The following PRSS36 variants were observed in gnomAD, a reference collection of about 807,000 sequenced individuals.
PRSS36 encodes serine protease 36.
PRSS36 carries 90 observed loss-of-function variants against 94.3 expected under a neutral mutation model. The ratio of observed to expected loss-of-function variants is 0.95; its 90% CI spans 0.80 to 1.14. PRSS36 has a LOEUF of 1.14. Among genes scored for constraint, PRSS36 ranks in the 50% most tolerant of loss-of-function variants. The pLI, the probability that PRSS36 is intolerant of heterozygous loss-of-function variation, is 0.00. For missense variants in PRSS36, 1,158 were observed against 1,135.0 expected (o/e 1.02, Z -0.29); for synonymous variants, 500 against 489.6 (o/e 1.02, Z -0.28).
In PRSS36 at chr16:31,139,295, G is replaced by A. The variant is rs915533715; in HGVS notation, c.2411C>T (p.Ser804Phe). ...AAIGPEEAWI[S>F]QTVGEANFLP... Reference sequence around the variant, plus strand: ...GAAGTTGGCCTCTCCCACTGTCTGGGAGATCCAGGCCTCTTCAGGACCAAT... The same window carrying A: ...GAAGTTGGCCTCTCCCACTGTCTGGAAGATCCAGGCCTCTTCAGGACCAAT... Residue 804 changes from serine to phenylalanine, a missense_variant, in exon 15 of 15, where the codon TCC (serine) becomes TTC (phenylalanine). Physicochemically the swap from Ser to Phe is radical, Grantham distance 155 (BLOSUM62 -2). Coordinates refer to ENST00000268281, the MANE Select transcript of PRSS36 (RefSeq NM_173502.5). 17 of 1,614,160 alleles carry A rather than the reference G, an allele frequency of 1.1e-5. No homozygotes were observed. The highest frequency in any genetic ancestry group is 1.4e-5 in the Non-Finnish European group (17 of 1,180,010).
In PRSS36 at chr16:31,149,199, C is replaced by G; in HGVS notation, c.146G>C (p.Gly49Ala). The change falls in exon 4 of 15, where the codon GGG (glycine) becomes GCG (alanine). Residue 49 changes from glycine (G) to alanine (A), a missense_variant. Coordinates refer to ENST00000268281, the MANE Select transcript of PRSS36 (RefSeq NM_173502.5). ...GRPEPSARIV[G>A]GSNAQPGTWP... ...GGTGCCCGGCTGCGCGTTTGAGCCC[C>G]CCACGATGCGGGCCGAGGGCTCAGG... 6.4e-7 allele frequency: 1 copy of G among 1,567,792 alleles called. No homozygotes were observed. Among genetic ancestry groups the G allele is most frequent in the Admixed American group, 1.9e-5 (1 of 52,412 alleles).
rs747155291 is a variant in PRSS36, at chr16:31,143,416, C to T, written c.1026G>A (p.Val342=). 2 of 1,612,862 alleles carry T rather than the reference C, an allele frequency of 1.2e-6. No homozygotes were observed. The highest frequency in any genetic ancestry group is 3.3e-5 in the Admixed American group (2 of 59,840). ...CCCCATGGCAGGGTCTGGATCCTGGCACCATCACCTGGGCCTCCCAGGGCC... is the reference window on the plus strand; with the variant it reads ...CCCCATGGCAGGGTCTGGATCCTGGTACCATCACCTGGGCCTCCCAGGGCC... The part of the protein sequence containing the change: ...GAWPWEAQVM[V]PGSRPCHGAL... The change falls in exon 8 of 15, where the codon GTG becomes GTA. Residue 342 remains valine (V), a synonymous_variant. Transcript: ENST00000268281.
rs920765621 is a variant in PRSS36, at chr16:31,140,717, C to G, written c.1942G>C (p.Gly648Arg). Residue 648 changes from glycine to arginine, a missense_variant, in exon 13 of 15, where the codon GGC becomes CGC. Transcript: ENST00000268281. ...GGGAGGGAGCTGGCCCCTGCCCGGC[C>G]CAGATACACTTCAATGTAAGGCACT... ...TTVPYIEVYL[G>R]RAGASSLPQG... The G allele has an allele frequency of 6.2e-6, 10 of 1,613,948 alleles. No individual in the cohort carries two copies. Among genetic ancestry groups the G allele is most frequent in the African/African-American group, 1.3e-5 (1 of 74,902 alleles).
chr16:31,145,621 A>G (rs1012460010), intron 6 of PRSS36, among the ~76,000 whole-genome samples, 168 bp downstream of exon 6: 1 of 152,176 alleles, frequency 6.6e-6, no homozygotes, highest in Non-Finnish European at 1.5e-5. Flanking sequence ...CCTGGACGAC[A>G]AAGTGAGGCT....
In PRSS36 at chr16:31,145,950, G is replaced by T. The variant is rs1454736250; in HGVS notation, c.559C>A (p.Leu187Met). 1.9e-6 allele frequency: 3 copies of T among 1,611,022 alleles called. No individual in the cohort carries two copies. In the Admixed American group the frequency reaches 5.0e-5, roughly 27 times the overall value. ...GWGDVQEADP[L>M]PLPWVLQEVE... Reference sequence around the variant, plus strand: ...TCCTGTAGCACCCAGGGGAGAGGCAGAGGATCTGGAGGCAGAACCAGAGAG... The same window carrying T: ...TCCTGTAGCACCCAGGGGAGAGGCATAGGATCTGGAGGCAGAACCAGAGAG... The change falls in exon 6 of 15, where the codon CTG becomes ATG. Residue 187 changes from leucine to methionine, a missense_variant. By Grantham distance (15) the Leu-to-Met change is conservative. Transcript: ENST00000268281.
Position 31,142,511 on chromosome 16 carries a change from G to A in PRSS36, c.1491C>T (p.Tyr497=), listed in dbSNP as rs1382312210. 6.7e-7 allele frequency: 1 copy of A among 1,500,108 alleles called. No individual in the cohort carries two copies. 92.9% of individuals were successfully genotyped at this position (1,500,108 alleles called of 1,614,324 possible). The stretch of plus-strand genomic sequence containing the variant: ...AGCTGCCCACCTCCTCCTTTTCCTG[G>A]TAGGCAGGGCAGAGCGCGTGCGGCG... ...GDPPHALCPA[Y]QEKEEVGSCW... is the part of the protein sequence containing the mutation. Residue 497 remains tyrosine, a synonymous_variant, in exon 10 of 15, where the codon TAC becomes TAT. Coordinates refer to ENST00000268281, the MANE Select transcript of PRSS36 (RefSeq NM_173502.5).
rs764075941 is a variant in PRSS36, at chr16:31,142,950, G to A, written c.1144C>T (p.Arg382Cys). ...CGCGGGCGCGAGGGCAGCAGCACGCGCCAGGCGTCGAGGTCGCGGGGTGGG... is the reference window on the plus strand; with the variant it reads ...CGCGGGCGCGAGGGCAGCAGCACGCACCAGGCGTCGAGGTCGCGGGGTGGG... ...DSPPRDLDAW[R>C]VLLPSRPRAE... is the part of the protein sequence containing the mutation. Residue 382 changes from arginine (R) to cysteine (C), a missense_variant, in exon 9 of 15, where the codon CGC becomes TGC. Coordinates refer to ENST00000268281, the MANE Select transcript of PRSS36 (RefSeq NM_173502.5). 110 of 1,454,270 alleles carry A rather than the reference G, an allele frequency of 7.6e-5. No individual in the cohort carries two copies. Among genetic ancestry groups the A allele is most frequent in the Non-Finnish European group, 9.6e-5 (107 of 1,109,862 alleles). The allele number at this position is 1,454,270 out of a possible 1,614,324, so 90.1% of individuals were successfully genotyped here. A position where few individuals can be genotyped will look rare whatever the true frequency, so the allele number is the denominator to read the frequency against.
chr16:31,139,043 C>A lies in PRSS36; in HGVS notation c.*95G>T. On this transcript the variant is annotated 3_prime_UTR_variant, in exon 15 of 15. Transcript: ENST00000268281. ...GCCGCTGCAATCTCGGTGGGTGGGG[C>A]CCTTGAGGTTCCAGCCGGCTGGGCC... 7.2e-7 allele frequency: 1 copy of A among 1,379,604 alleles called. No homozygotes were observed. The highest frequency in any genetic ancestry group is 9.8e-7 in the Non-Finnish European group (1 of 1,023,182). 85.5% of individuals were successfully genotyped at this position (1,379,604 alleles called of 1,614,324 possible).
intron 2 of PRSS36, 69 bp downstream of exon 2, chr16:31,149,627 A>G: frequency 6.2e-7 from 1 of 1,609,664 alleles, no homozygotes; most frequent in Non-Finnish European, 8.5e-7. Flanking sequence ...AACCCCTGCC[A>G]GCACCCATGC....
chr16:31,139,261 G>T lies in PRSS36; in HGVS notation c.2445C>A (p.Pro815=). 2 of 1,614,134 alleles carry T rather than the reference G, an allele frequency of 1.2e-6. No individual in the cohort carries two copies. The highest frequency in any genetic ancestry group is 1.7e-6 in the Non-Finnish European group (2 of 1,179,992). The change falls in exon 15 of 15, where the codon CCC becomes CCA. Residue 815 remains proline, a synonymous_variant. Transcript: ENST00000268281. ...CAGTGGGCCAGTGTGGGGAGCCACT[G>T]GGGGGCAGGAAGTTGGCCTCTCCCA... ...QTVGEANFLP[P]SGSPHWPTGG...
chr16:31,139,123 T>C lies in PRSS36; in HGVS notation c.*15A>G, dbSNP rs747900607. The stretch of plus-strand genomic sequence containing the variant: ...AGGGTGGAGAAGGGGGAAGTGGTGC[T>C]GGGACCCTAGCCCCTCAGCTCTGGA... On this transcript the variant is annotated 3_prime_UTR_variant, in exon 15 of 15. Coordinates refer to ENST00000268281, the MANE Select transcript of PRSS36 (RefSeq NM_173502.5). The C allele has an allele frequency of 6.3e-5, 97 of 1,531,136 alleles. No homozygotes were observed. Among genetic ancestry groups the C allele is most frequent in the Non-Finnish European group, 8.2e-5 (93 of 1,137,066 alleles). The allele number at this position is 1,531,136 out of a possible 1,614,324, so 94.8% of individuals were successfully genotyped here. A position where few individuals can be genotyped will look rare whatever the true frequency, so the allele number is the denominator to read the frequency against.
chr16:31,140,864 C>T lies in PRSS36; in HGVS notation c.1902-107G>A, dbSNP rs546260490. ...TCTGGGGTCATGCCACTCACTCCTT[C>T]ATCATCCCTCCTTCCAAATCTCCCT... is the stretch of plus-strand genomic sequence containing the variant. On this transcript the variant is annotated intron_variant, in intron 12 of 14. Coordinates refer to ENST00000268281, the MANE Select transcript of PRSS36 (RefSeq NM_173502.5). The T allele has an allele frequency of 1.2e-5, 15 of 1,204,872 alleles. No individual in the cohort carries two copies. In the South Asian group the frequency reaches 2.2e-4, roughly 17 times the overall value. 74.6% of individuals were successfully genotyped at this position (1,204,872 alleles called of 1,614,324 possible).
chr16:31,145,885 AC>A lies in PRSS36; in HGVS notation c.623del (p.Cys208PhefsTer83), dbSNP rs768020442. On this transcript the variant is annotated frameshift_variant, in exon 6 of 15. Coordinates refer to ENST00000268281, the MANE Select transcript of PRSS36 (RefSeq NM_173502.5). LOFTEE classifies it high-confidence loss of function. ...TGAAGGGACCGGGCTGGCTGTAGAGACATTGACAGGTGGCCTCGCCCAGCAG... is the reference window on the plus strand; with the variant it reads ...TGAAGGGACCGGGCTGGCTGTAGAGAATTGACAGGTGGCCTCGCCCAGCAG... ...LRLLGEATCQCLYSQPGPFNL... is the reference protein window; with the variant it reads ...LRLLGEATCQXLYSQPGPFNL... 6.2e-7 allele frequency: 1 copy of A among 1,613,938 alleles called. No individual in the cohort carries two copies. The highest frequency in any genetic ancestry group is 2.2e-5 in the East Asian group (1 of 44,888).
chr16:31,141,651 C>T, intron 11 of PRSS36, 41 bp from the exon 12 acceptor site: 1 of 1,609,668 alleles, frequency 6.2e-7, no homozygotes, highest in Non-Finnish European at 8.5e-7. Context: ...GGCCCCATGG[C>T]TGACCCCTGA....
rs199537836 is a variant in PRSS36, at chr16:31,143,337, C to T, written c.1100+5G>A. On this transcript the variant is annotated splice_donor_5th_base_variant and intron_variant, in intron 8 of 14. Transcript: ENST00000268281. ...GATCGGCTTGAAACGTAGATTTTCA[C>T]TCACTCCAGAAAGCAGCTGGCAGGT... is the stretch of plus-strand genomic sequence containing the variant. 10 of 1,584,356 alleles carry T rather than the reference C, an allele frequency of 6.3e-6. No homozygotes were observed. The East Asian group carries it at 2.2e-4, about 36-fold the overall frequency.
intron 6 of PRSS36, among the ~76,000 whole-genome samples, chr16:31,144,235 T>C (rs2057762915): frequency 6.6e-6 from 1 of 152,090 alleles, no homozygotes; most frequent in African/African-American, 2.4e-5. Context: ...AGTGCAGTGG[T>C]GCAACCTCAG....
In PRSS36 at chr16:31,143,704, C is replaced by G. The variant is rs1200634603; in HGVS notation, c.854G>C (p.Trp285Ser). 6.2e-7 allele frequency: 1 copy of G among 1,614,046 alleles called. No individual in the cohort carries two copies. Among genetic ancestry groups the G allele is most frequent in the African/African-American group, 1.3e-5 (1 of 74,924 alleles). ...VFTAVATYEA[W>S]IREQVMGSEP... ...TGAACCCATCACCTGCTCCCGTATCCATGCCTCATAGGTAGCCACAGCAGT... is the reference window on the plus strand; with the variant it reads ...TGAACCCATCACCTGCTCCCGTATCGATGCCTCATAGGTAGCCACAGCAGT... Residue 285 changes from tryptophan (W) to serine (S), a missense_variant, in exon 7 of 15, where the codon TGG (tryptophan) becomes TCG (serine). Coordinates refer to ENST00000268281, the MANE Select transcript of PRSS36 (RefSeq NM_173502.5).
Position 31,140,282 on chromosome 16 carries a change from A to T in PRSS36, c.2289+12T>A. 1 of 1,599,628 alleles carries T rather than the reference A, an allele frequency of 6.3e-7. No individual in the cohort carries two copies. The highest frequency in any genetic ancestry group is 8.5e-7 in the Non-Finnish European group (1 of 1,171,516). ...CTCCCCTGCCTACTCCAGGACGCCCAGGCCCCTGTACCTCACACCTGTTCT... is the reference window on the plus strand; with the variant it reads ...CTCCCCTGCCTACTCCAGGACGCCCTGGCCCCTGTACCTCACACCTGTTCT... On this transcript the variant is annotated intron_variant, in intron 14 of 14. Coordinates refer to ENST00000268281, the MANE Select transcript of PRSS36 (RefSeq NM_173502.5).
chr16:31,140,745 T>G lies in PRSS36; in HGVS notation c.1914A>C (p.Thr638=). ...ATHCVLRPGS[T]TVPYIEVYLG... ...GATACACTTCAATGTAAGGCACTGT[T>G]GTAGAGCCTGGCCTGTTGGAACAAG... The change falls in exon 13 of 15, where the codon ACA becomes ACC. Residue 638 remains threonine, a synonymous_variant. Coordinates refer to ENST00000268281, the MANE Select transcript of PRSS36 (RefSeq NM_173502.5). The G allele has an allele frequency of 6.2e-7, 1 of 1,613,948 alleles. No homozygotes were observed. The highest frequency in any genetic ancestry group is 8.5e-7 in the Non-Finnish European group (1 of 1,179,918).
Sources: allele counts gnomAD v4.1 joint callset (sites outside exome capture counted in the v4.1 genomes callset), GRCh38; gene constraint gnomAD v4.1.1; transcripts MANE v1.5; gene names NCBI Gene and HGNC (gene_info 2026-07-23, HGNC 2026-07-21).